The following PURG variants were observed in gnomAD, a reference collection of about 807,000 sequenced individuals.
PURG encodes the protein purine rich element binding protein G.
In PURG, 3 loss-of-function variants were observed where a neutral mutation model predicts 24.3. The ratio of observed to expected loss-of-function variants is 0.12; its 90% CI spans 0.06 to 0.32. The LOEUF (loss-of-function observed/expected upper bound fraction) is 0.32. Among genes scored for constraint, PURG ranks in the 10% least tolerant of loss-of-function variants. PURG has a pLI of 1.00. For synonymous variants in PURG, 180 were observed against 173.1 expected (o/e 1.04, Z -0.31); for missense variants, 371 against 439.1 (o/e 0.84, Z 1.39).
chr8:31,029,701 T>G (rs905114973), downstream of PURG, among the ~76,000 whole-genome samples: 1 of 151,834 alleles, frequency 6.6e-6, no homozygotes, highest in African/African-American at 2.4e-5. Context: ...TTTGCCAAAA[T>G]CTGACAGGTT....
intron 1 of PURG, among the ~76,000 whole-genome samples, chr8:31,000,046 A>C (rs761141613): frequency 6.6e-6 from 1 of 152,114 alleles, no homozygotes; most frequent in Non-Finnish European, 1.5e-5. Context: ...TCTTGTCTCC[A>C]GTCACTGAAA....
intron 1 of PURG, among the ~76,000 whole-genome samples, chr8:30,996,949 T>A (rs1286664476): frequency 6.6e-6 from 1 of 151,728 alleles, no homozygotes; most frequent in Non-Finnish European, 1.5e-5. Flanking sequence ...AAGGAAAATA[T>A]AATTTTACTC....
At chr8:31,023,065 A>G (rs1223938678) in intron 1 of PURG, among the ~76,000 whole-genome samples, 2 of 152,244 alleles carry the variant, frequency 1.3e-5, no homozygotes, top group Admixed American at 6.5e-5. Context: ...AAACTAAACT[A>G]TTCTCTCAAA....
rs1391613475 is a variant in PURG at position 31,032,888 on chromosome 8, C to T, written c.-6-100G>A. 1 of 973,838 alleles carries T rather than the reference C, an allele frequency of 1.0e-6. No individual in the cohort carries two copies. The highest frequency in any genetic ancestry group is 1.3e-6 in the Non-Finnish European group (1 of 759,210). 60.3% of individuals were successfully genotyped at this position (973,838 alleles called of 1,614,324 possible). On this transcript the variant is annotated intron_variant, in intron 1 of 1. Transcript: ENST00000523392. This position sits in a 1 kb window ranked among gnomAD's most constrained non-coding sequence, Gnocchi z 5.9. ...TGACCGCCCCGCCGCCGCCCGCGAC[C>T]CCCACGCCGGGCCCGGCTCCCCCGG...
At chr8:31,027,101 G>C (rs1811105517), downstream of PURG, among the ~76,000 whole-genome samples, 2 of 151,596 alleles carry the variant, frequency 1.3e-5, no homozygotes, top group Admixed American at 6.6e-5. Context: ...CTTTTTCTCT[G>C]ATGGGCTAGC....
chr8:31,002,557 C>G (rs1336184651), intron 1 of PURG, among the ~76,000 whole-genome samples: 1 of 152,174 alleles, frequency 6.6e-6, no homozygotes, highest in Non-Finnish European at 1.5e-5. Context: ...GATCTCGGCT[C>G]ACTGCAACCT....
chr8:31,029,453 G>C (rs963154321), downstream of PURG, among the ~76,000 whole-genome samples: 2 of 151,568 alleles, frequency 1.3e-5, no homozygotes, highest in African/African-American at 4.8e-5. Flanking sequence ...CTTTAAGTCT[G>C]ACATGGTATT....
At chr8:30,998,433 T>A (rs1217217206) in intron 1 of PURG, among the ~76,000 whole-genome samples, 2 of 151,802 alleles carry the variant, frequency 1.3e-5, no homozygotes, top group Non-Finnish European at 3.0e-5. Context: ...ATAAAGTGCC[T>A]TCTTTTCCAG....
intron 1 of PURG, among the ~76,000 whole-genome samples, chr8:31,009,014 C>T (rs1050419293): frequency 6.6e-6 from 1 of 152,198 alleles, no homozygotes; most frequent in African/African-American, 2.4e-5. Flanking sequence ...TGTGGAACTC[C>T]TATTAAGCTC....
chr8:31,012,538 A>T (rs1033215825), intron 1 of PURG, among the ~76,000 whole-genome samples: 3 of 152,220 alleles, frequency 2.0e-5, no homozygotes, highest in Non-Finnish European at 2.9e-5. Context: ...CAGATGAGAG[A>T]CGAAACCAAG....
At chr8:31,014,146 A>C (rs1398250710) in intron 1 of PURG, among the ~76,000 whole-genome samples, 1 of 152,238 alleles carries the variant, frequency 6.6e-6, no homozygotes, top group Admixed American at 6.5e-5. Flanking sequence ...AAATGGTTCA[A>C]TACAAATAGC....
chr8:31,021,571 A>C (rs191684363), intron 1 of PURG, among the ~76,000 whole-genome samples: 433 of 152,310 alleles, frequency 2.8e-3, no homozygotes, highest in Non-Finnish European at 5.0e-3. Context: ...AAATAATTCC[A>C]AGTAAGCTGA....
intron 1 of PURG, among the ~76,000 whole-genome samples, chr8:31,000,737 A>G (rs1810521499): frequency 6.6e-6 from 1 of 152,204 alleles, no homozygotes; most frequent in Non-Finnish European, 1.5e-5. Context: ...TAGGTATAAG[A>G]ATGACTATAT....
At chr8:31,009,446 A>G (rs953888574) in intron 1 of PURG, among the ~76,000 whole-genome samples, 6 of 152,116 alleles carry the variant, frequency 3.9e-5, no homozygotes, top group Non-Finnish European at 5.9e-5. Flanking sequence ...AAAACAAAAC[A>G]AAACAACAAA....
intron 1 of PURG, among the ~76,000 whole-genome samples, chr8:31,006,893 G>C (rs1381738357): frequency 6.6e-6 from 1 of 152,096 alleles, no homozygotes; most frequent in African/African-American, 2.4e-5. Context: ...AAAAGGAAAA[G>C]CATAGGCACA....
intron 1 of PURG, among the ~76,000 whole-genome samples, chr8:31,000,287 A>C (rs1308215765): frequency 6.6e-6 from 1 of 152,174 alleles, no homozygotes; most frequent in Non-Finnish European, 1.5e-5. Flanking sequence ...CAAATAAAAT[A>C]ATATGCAACT....
At chr8:31,010,516 C>CA (rs961454128) in intron 1 of PURG, among the ~76,000 whole-genome samples, 3 of 152,056 alleles carry the variant, frequency 2.0e-5, no homozygotes, top group African/African-American at 4.8e-5. Flanking sequence ...GAATGCATTT[C>CA]AAAAAAACTC....
chr8:31,031,636 A>G lies in PURG; in HGVS notation c.*103T>C. The G allele has an allele frequency of 9.2e-7, 1 of 1,088,174 alleles. No individual in the cohort carries two copies. Among genetic ancestry groups the G allele is most frequent in the Non-Finnish European group, 1.3e-6 (1 of 776,592 alleles). The allele number at this position is 1,088,174 out of a possible 1,614,324, so 67.4% of individuals were successfully genotyped here. A position where few individuals can be genotyped will look rare whatever the true frequency, so the allele number is the denominator to read the frequency against. The stretch of plus-strand genomic sequence containing the variant: ...TCAACTACTAGAGGTATTACTAATA[A>G]CAACGGGCCAAAAAAGAGGAAAAAC... On this transcript the variant is annotated 3_prime_UTR_variant, in exon 2 of 2. Coordinates refer to ENST00000523392, the MANE Select transcript of PURG (RefSeq NM_001323311.2).
At chr8:31,022,159 C>T (rs1399766804) in intron 1 of PURG, among the ~76,000 whole-genome samples, 1 of 151,964 alleles carries the variant, frequency 6.6e-6, no homozygotes, top group Non-Finnish European at 1.5e-5. Flanking sequence ...TTAGTAGAGA[C>T]GGAGTTTAAC....
Sources: allele counts gnomAD v4.1 joint callset (sites outside exome capture counted in the v4.1 genomes callset), GRCh38; gene constraint gnomAD v4.1.1; non-coding constraint Gnocchi (gnomAD v3.1); transcripts MANE v1.5; gene names NCBI Gene and HGNC (gene_info 2026-07-23, HGNC 2026-07-21).